FANCB: variants seen among roughly 807,000 people sequenced by gnomAD.
The protein encoded by FANCB is Fanconi anemia group B protein.
In FANCB, 5 loss-of-function variants were observed where a neutral mutation model predicts 38.9. The observed-to-expected ratio is 0.13, with a 90% CI of 0.07 to 0.27. FANCB has a LOEUF of 0.27. Ranked by LOEUF, FANCB falls within the 10% of genes least tolerant of loss-of-function variation. The pLI is 1.00. For missense variants in FANCB, 573 were observed against 602.7 expected (o/e 0.95, Z 0.52); for synonymous variants, 236 against 215.4 (o/e 1.10, Z -0.84).
chrX:14,870,315 C>G (rs1362391342), intron 1 of FANCB, among the ~76,000 whole-genome samples: 1 of 111,307 alleles, frequency 9.0e-6, no homozygotes, highest in Non-Finnish European at 1.9e-5. Context: ...CAACCCCTCA[C>G]TATTTTAAAC....
At chrX:14,708,665 G>A in the FANCB span, among the ~76,000 whole-genome samples, 3 of 111,748 alleles carry the variant, frequency 2.7e-5, no homozygotes, top group East Asian at 2.8e-4. Flanking sequence ...GGCCAGGCGC[G>A]GTGGCTCACG....
chrX:14,766,590 G>A, the FANCB span, among the ~76,000 whole-genome samples: 1 of 111,531 alleles, frequency 9.0e-6, no homozygotes, highest in Non-Finnish European at 1.9e-5. Flanking sequence ...TGTCACTGTC[G>A]GCTAGTTGAA....
chrX:14,807,695 C>T, the FANCB span, among the ~76,000 whole-genome samples: 1 of 111,557 alleles, frequency 9.0e-6, no homozygotes, highest in Non-Finnish European at 1.9e-5. Flanking sequence ...CTGCAACTCA[C>T]ACTGTGGTTA....
the FANCB span, among the ~76,000 whole-genome samples, chrX:14,744,125 TA>T: frequency 9.0e-6 from 1 of 111,724 alleles, no homozygotes; most frequent in East Asian, 2.8e-4. Context: ...GGCCCTAGTG[TA>T]AAATACATAC....
At chrX:14,865,728 T>C in intron 2 of FANCB, 148 bp from the exon 3 acceptor site, 2 of 334,728 alleles carry the variant, frequency 6.0e-6, no homozygotes, top group Non-Finnish European at 1.0e-5. Flanking sequence ...ATATCATACT[T>C]ATAAAAAAAA....
chrX:14,750,005 G>A, the FANCB span, among the ~76,000 whole-genome samples: 1 of 112,001 alleles, frequency 8.9e-6, no homozygotes, highest in African/African-American at 3.2e-5. Context: ...AAAGAGCAAA[G>A]AGTTTCAAAG....
the FANCB span, among the ~76,000 whole-genome samples, chrX:14,803,551 C>T: frequency 8.9e-6 from 1 of 111,971 alleles, no homozygotes; most frequent in South Asian, 3.7e-4. Flanking sequence ...TTAAATGATC[C>T]CCATGTGTTT....
the FANCB span, among the ~76,000 whole-genome samples, chrX:14,721,580 G>C: frequency 9.0e-6 from 1 of 111,448 alleles, no homozygotes; most frequent in Non-Finnish European, 1.9e-5. Flanking sequence ...AAGACCTATT[G>C]CCTGTCTGAA....
the FANCB span, among the ~76,000 whole-genome samples, chrX:14,787,515 C>G: frequency 9.1e-5 from 10 of 110,148 alleles, no homozygotes; most frequent in African/African-American, 3.3e-4. Context: ...TTGTATATTT[C>G]AAAATTACTA....
chrX:14,779,372 T>C, the FANCB span, among the ~76,000 whole-genome samples: 1 of 112,071 alleles, frequency 8.9e-6, no homozygotes, highest in Non-Finnish European at 1.9e-5. Flanking sequence ...GTGGGTGCTA[T>C]GGTTTGAATG....
chrX:14,809,750 C>A, the FANCB span, among the ~76,000 whole-genome samples: 3 of 112,859 alleles, frequency 2.7e-5, no homozygotes, highest in East Asian at 5.6e-4. Context: ...CCTCTGGGGG[C>A]AGGGCACAGA....
At chrX:14,771,679 G>A in the FANCB span, among the ~76,000 whole-genome samples, 1 of 112,031 alleles carries the variant, frequency 8.9e-6, no homozygotes, top group Non-Finnish European at 1.9e-5. Flanking sequence ...TGCCATTGCT[G>A]GAGAGGTGTT....
chrX:14,827,749 A>G, the FANCB span, among the ~76,000 whole-genome samples: 1 of 112,035 alleles, frequency 8.9e-6, no homozygotes. Context: ...CAAAATAAAA[A>G]CCTGTGAGTA....
downstream of FANCB, among the ~76,000 whole-genome samples, chrX:14,840,918 C>T (rs767003484): frequency 7.2e-5 from 8 of 111,682 alleles, no homozygotes; most frequent in Admixed American, 7.6e-4. Flanking sequence ...AAGTTCAGGA[C>T]CTGAATAGTG....
At chrX:14,819,818 C>T in the FANCB span, among the ~76,000 whole-genome samples, 1,174 of 111,267 alleles carry the variant, frequency 0.011, 12 homozygotes, top group African/African-American at 0.035. Context: ...ATTTGCCTTA[C>T]GACTACCCTG....
chrX:14,837,162 TAGAAAAC>T (rs2092343415), intron 10 of FANCB, among the ~76,000 whole-genome samples: 1 of 112,263 alleles, frequency 8.9e-6, no homozygotes, highest in South Asian at 3.6e-4. Context: ...AAGGTACAAA[TAGAAAAC>T]AGAATTCTAC....
intron 7 of FANCB, among the ~76,000 whole-genome samples, chrX:14,847,318 G>C (rs778405515): frequency 6.3e-5 from 7 of 111,031 alleles, no homozygotes; most frequent in African/African-American, 2.3e-4. Flanking sequence ...ATCTAAAAAA[G>C]AAAGAATAAA....
chrX:14,779,777 G>A, the FANCB span, among the ~76,000 whole-genome samples: 1 of 111,132 alleles, frequency 9.0e-6, no homozygotes, highest in Non-Finnish European at 1.9e-5. Flanking sequence ...GATAAGGTCT[G>A]AGAGATGGGC....
chrX:14,744,854 C>A, the FANCB span, among the ~76,000 whole-genome samples: 1 of 111,341 alleles, frequency 9.0e-6, no homozygotes, highest in Non-Finnish European at 1.9e-5. Context: ...GCACGGAACA[C>A]ATCAAGGCAG....
Sources: allele counts gnomAD v4.1 joint callset (sites outside exome capture counted in the v4.1 genomes callset), GRCh38; gene constraint gnomAD v4.1.1; transcripts MANE v1.5; gene names NCBI Gene and HGNC (gene_info 2026-07-23, HGNC 2026-07-21).